OMA1: variants seen among roughly 807,000 people sequenced by gnomAD.
The protein encoded by OMA1 is metalloendopeptidase OMA1, mitochondrial.
OMA1 carries 38 observed loss-of-function variants against 30.9 expected under a neutral mutation model. The observed-to-expected ratio is 1.23, with a 90% CI of 0.95 to 1.61. The LOEUF (loss-of-function observed/expected upper bound fraction) is 1.61. OMA1 is among the 40% of genes most tolerant of loss of function. OMA1 has a pLI of 0.00. For synonymous variants in OMA1, 173 were observed against 121.9 expected, an observed-to-expected ratio of 1.42 and a Z score of -2.76; for missense variants, 461 against 349.2, an observed-to-expected ratio of 1.32 and a Z score of -2.55.
chr1:58,497,256 A>G (rs115378697), intron 8 of OMA1, among the ~76,000 whole-genome samples: 3 of 152,304 alleles, frequency 2.0e-5, no homozygotes, highest in South Asian at 2.1e-4. Context: ...GTACTGTCCT[A>G]AAGTCAAAAG....
At chr1:58,490,795 CTTTTTTTT>C (rs148145860) in intron 8 of OMA1, among the ~76,000 whole-genome samples, 6 of 59,244 alleles carry the variant, frequency 1.0e-4, no homozygotes, top group East Asian at 7.2e-4. Flanking sequence ...AGTCAACATT[CTTTTTTTT>C]TTTTTTTTTT....
At chr1:58,501,023 T>G (rs1645898527) in intron 8 of OMA1, among the ~76,000 whole-genome samples, 2 of 152,204 alleles carry the variant, frequency 1.3e-5, no homozygotes, top group Non-Finnish European at 2.9e-5. Flanking sequence ...TGATACAACA[T>G]CTGCTCTTCA....
At chr1:58,540,242 CA>C (rs1646585770) in intron 1 of OMA1, among the ~76,000 whole-genome samples, 1 of 150,850 alleles carries the variant, frequency 6.6e-6, no homozygotes, top group Non-Finnish European at 1.5e-5. Flanking sequence ...AAGCAACCCC[CA>C]AAAAGATTAA....
At chr1:58,511,992 T>C (rs1217391081) in intron 7 of OMA1, among the ~76,000 whole-genome samples, 1 of 152,110 alleles carries the variant, frequency 6.6e-6, no homozygotes, top group African/African-American at 2.4e-5. Flanking sequence ...GAAAAACCAT[T>C]TGTATACCAA....
At chr1:58,525,281 C>T (rs911738153) in intron 7 of OMA1, among the ~76,000 whole-genome samples, 6 of 151,604 alleles carry the variant, frequency 4.0e-5, no homozygotes, top group African/African-American at 1.2e-4. Flanking sequence ...TGCACATTTC[C>T]AAAAAACCTT....
intron 7 of OMA1, among the ~76,000 whole-genome samples, chr1:58,520,984 G>A (rs938401432): frequency 2.0e-5 from 3 of 152,146 alleles, no homozygotes; most frequent in Middle Eastern, 6.8e-3. Flanking sequence ...AACACCACCC[G>A]CAATGGCAGG....
At chr1:58,519,469 C>G (rs1646226327) in intron 7 of OMA1, among the ~76,000 whole-genome samples, 1 of 152,166 alleles carries the variant, frequency 6.6e-6, no homozygotes, top group East Asian at 1.9e-4. Flanking sequence ...TACAATCTTA[C>G]AGTAGAGCTC....
At chr1:58,482,604 G>C (rs1336670704) in intron 8 of OMA1, among the ~76,000 whole-genome samples, 3 of 152,172 alleles carry the variant, frequency 2.0e-5, no homozygotes, top group South Asian at 4.1e-4. Context: ...GGCAGTAAAG[G>C]AGACAGTGTT....
intron 7 of OMA1, 117 bp downstream of exon 7, chr1:58,527,144 A>G: frequency 1.6e-6 from 1 of 620,982 alleles, no homozygotes; most frequent in South Asian, 2.0e-5. Context: ...AATTACATAA[A>G]GGGCTAATAC....
chr1:58,519,791 CAT>C (rs1295893086), intron 7 of OMA1, among the ~76,000 whole-genome samples: 13 of 151,776 alleles, frequency 8.6e-5, no homozygotes, highest in African/African-American at 2.7e-4. Flanking sequence ...AACAAAGAAA[CAT>C]ATGACAAAAT....
chr1:58,500,475 C>T (rs964769396), intron 8 of OMA1, among the ~76,000 whole-genome samples: 4 of 152,152 alleles, frequency 2.6e-5, no homozygotes, highest in African/African-American at 9.7e-5. Context: ...GAATGATTTA[C>T]ACGAGTTCAA....
chr1:58,493,693 A>G (rs1265855737), intron 8 of OMA1, among the ~76,000 whole-genome samples: 1 of 151,858 alleles, frequency 6.6e-6, no homozygotes, highest in Non-Finnish European at 1.5e-5. Flanking sequence ...TAAAATAGCT[A>G]GGAATCCAAC....
At chr1:58,535,810 T>C (rs912980899) in intron 3 of OMA1, among the ~76,000 whole-genome samples, 1 of 152,122 alleles carries the variant, frequency 6.6e-6, no homozygotes, top group African/African-American at 2.4e-5. Flanking sequence ...GTAAGACTTC[T>C]AAATTATAAC....
chr1:58,526,805 A>G (rs1430855822), intron 7 of OMA1, among the ~76,000 whole-genome samples: 1 of 152,124 alleles, frequency 6.6e-6, no homozygotes, highest in Non-Finnish European at 1.5e-5. Context: ...AGCAAGGGGT[A>G]AAATATTGGA....
At chr1:58,540,919 C>T (rs1646597038) in intron 1 of OMA1, among the ~76,000 whole-genome samples, 1 of 151,190 alleles carries the variant, frequency 6.6e-6, no homozygotes, top group Admixed American at 6.6e-5. Context: ...AAAAGAAACA[C>T]AAAGGAAAAA....
intron 7 of OMA1, among the ~76,000 whole-genome samples, chr1:58,514,030 T>C (rs921940111): frequency 6.6e-6 from 1 of 152,206 alleles, no homozygotes; most frequent in African/African-American, 2.4e-5. Flanking sequence ...TAAAATGTGA[T>C]AATTCTTGCA....
intron 8 of OMA1, among the ~76,000 whole-genome samples, chr1:58,491,888 T>C (rs984235232): frequency 2.5e-4 from 38 of 152,254 alleles, no homozygotes; most frequent in Non-Finnish European, 4.6e-4. Flanking sequence ...TATCCAGGAA[T>C]TGAACTCAGC....
intron 5 of OMA1, among the ~76,000 whole-genome samples, chr1:58,533,404 C>T (rs749406957): frequency 4.9e-4 from 75 of 152,138 alleles, no homozygotes; most frequent in African/African-American, 1.5e-3. Flanking sequence ...AAATACATAC[C>T]TCATTGGGTA....
At chr1:58,513,774 T>C (rs1646118226) in intron 7 of OMA1, among the ~76,000 whole-genome samples, 1 of 152,216 alleles carries the variant, frequency 6.6e-6, no homozygotes, top group African/African-American at 2.4e-5. Context: ...TATTAACTCA[T>C]TTAATCCTCA....
Sources: allele counts gnomAD v4.1 joint callset (sites outside exome capture counted in the v4.1 genomes callset), GRCh38; gene constraint gnomAD v4.1.1; transcripts MANE v1.5; gene names NCBI Gene and HGNC (gene_info 2026-07-23, HGNC 2026-07-21).